The following MAP3K7CL variants were observed in gnomAD, a reference collection of about 807,000 sequenced individuals.
MAP3K7CL encodes MAP3K7 C-terminal-like protein.
Under a neutral mutation model 18.6 loss-of-function variants are expected in MAP3K7CL, and 16 were observed. The observed-to-expected ratio is 0.86, with a 90% confidence interval of 0.58 to 1.31. MAP3K7CL has a LOEUF of 1.31. Ranked by LOEUF, MAP3K7CL falls within the 50% of genes most tolerant of loss-of-function variation. The pLI is 0.00. For missense variants in MAP3K7CL, 163 were observed against 174.4 expected (o/e 0.93, Z 0.37); for synonymous variants, 65 against 66.8 (o/e 0.97, Z 0.13).
At chr21:29,087,589 CTTTTTTTTTTTT>C (rs56775764) in intron 1 of MAP3K7CL, among the ~76,000 whole-genome samples, 2 of 104,306 alleles carry the variant, frequency 1.9e-5, no homozygotes, top group South Asian at 3.1e-4. Context: ...TTTTCTTTTT[CTTTTTTTTTTTT>C]TTTTTTTTTT....
At chr21:29,140,719 G>A (rs1011056578) in intron 2 of MAP3K7CL, among the ~76,000 whole-genome samples, 2 of 152,164 alleles carry the variant, frequency 1.3e-5, no homozygotes, top group African/African-American at 4.8e-5. Flanking sequence ...AAAAGAAGGG[G>A]TAAATTTTAT....
chr21:29,141,948 T>C (rs184172211), intron 2 of MAP3K7CL, among the ~76,000 whole-genome samples: 1 of 152,298 alleles, frequency 6.6e-6, no homozygotes, highest in East Asian at 1.9e-4. Flanking sequence ...TCACATATTT[T>C]ATTCCTAAAA....
chr21:29,108,474 C>T (rs2086362953), intron 4 of MAP3K7CL, among the ~76,000 whole-genome samples: 1 of 152,152 alleles, frequency 6.6e-6, no homozygotes, highest in South Asian at 2.1e-4. Flanking sequence ...AGGTTTTTGA[C>T]ACCTACTGCC....
At chr21:29,126,435 ATTTC>A (rs963862257), upstream of MAP3K7CL, among the ~76,000 whole-genome samples, 7 of 151,916 alleles carry the variant, frequency 4.6e-5, no homozygotes, top group Admixed American at 2.6e-4. Context: ...AGTGTAAAAT[ATTTC>A]TTTCTTTCTG....
At position 29,089,099 on chromosome 21, in the gene MAP3K7CL, G is replaced by A. The variant is rs955715634; in HGVS notation, c.58-2402G>A. Reference sequence around the variant, plus strand: ...GCAGGAGAATCACTTGTACCCAGGAGGGAGAGGTTGCAGTGAGCCGAGATC... The same window carrying A: ...GCAGGAGAATCACTTGTACCCAGGAAGGAGAGGTTGCAGTGAGCCGAGATC... On this transcript the variant is annotated intron_variant, in intron 1 of 6. Transcript: ENST00000286791. Among the ~76,000 whole-genome samples, 5 of 149,462 alleles carry A rather than the reference G, an allele frequency of 3.3e-5. No homozygotes were observed. In the South Asian group the frequency reaches 1.1e-3, roughly 32 times the overall value.
intron 4 of MAP3K7CL, among the ~76,000 whole-genome samples, chr21:29,115,849 A>T (rs78689757): frequency 0.02 from 3,018 of 152,340 alleles, 98 homozygotes; most frequent in African/African-American, 0.068. Context: ...TAATTATTCT[A>T]TTTAAAGCCC....
At position 29,089,168 on chromosome 21, in the gene MAP3K7CL, C is replaced by CAAAA. The variant is rs748166183; in HGVS notation, c.58-2303_58-2300dup. Among the ~76,000 whole-genome samples, 207 of 68,506 alleles carry CAAAA rather than the reference C, an allele frequency of 3.0e-3. 26 individuals are homozygous for CAAAA. Among genetic ancestry groups the CAAAA allele is most frequent in the African/African-American group, 7.6e-3 (144 of 19,052 alleles). 44.9% of individuals were successfully genotyped at this position (68,506 alleles called of 152,430 possible). ...CTGGTGACAGAGCGAGACTCCGTCT[C>CAAAA]AAAAAAAAAAAAAAAAAAAAAAAAA... On this transcript the variant is annotated intron_variant, in intron 1 of 6. Transcript: ENST00000286791.
Position 29,175,139 on chromosome 21 carries a change from T to G in MAP3K7CL, c.*247T>G, listed in dbSNP as rs1327322542. The G allele has an allele frequency of 2.9e-6, 1 of 345,010 alleles. No individual in the cohort carries two copies. Among genetic ancestry groups the G allele is most frequent in the Admixed American group, 4.5e-5 (1 of 22,328 alleles). 21.4% of individuals were successfully genotyped at this position (345,010 alleles called of 1,614,324 possible). ...AGATCAGAATTCTTTTCCAAAGATATATGTTTTTTTCTTTTTTAGGAAGAT... is the reference window on the plus strand; with the variant it reads ...AGATCAGAATTCTTTTCCAAAGATAGATGTTTTTTTCTTTTTTAGGAAGAT... On this transcript the variant is annotated 3_prime_UTR_variant, in exon 5 of 5. Coordinates refer to ENST00000399928, the MANE Select transcript of MAP3K7CL (RefSeq NM_001286620.2).
intron 4 of MAP3K7CL, among the ~76,000 whole-genome samples, chr21:29,167,673 G>C (rs1418343008): frequency 6.7e-6 from 1 of 148,724 alleles, no homozygotes; most frequent in Admixed American, 6.8e-5. Context: ...ACTGTACCAA[G>C]ATCAACCAGA....
rs139518550 is a variant in MAP3K7CL at position 29,169,780 on chromosome 21, T to C, written c.249-4932T>C. Among the ~76,000 whole-genome samples, 223 of 152,386 alleles carry C rather than the reference T, an allele frequency of 1.5e-3. 1 individual carries two copies. Among genetic ancestry groups the C allele is most frequent in the African/African-American group, 5.1e-3 (212 of 41,590 alleles). ...TAATTTCCATAAAGTTTGAAAGTTT[T>C]CTTAACCAATTGACTTGGACTTTCC... On this transcript the variant is annotated intron_variant, in intron 4 of 4. Transcript: ENST00000399928.
intron 4 of MAP3K7CL, among the ~76,000 whole-genome samples, chr21:29,111,710 A>G (rs959048837): frequency 1.9e-4 from 29 of 152,300 alleles, no homozygotes; most frequent in African/African-American, 6.7e-4. Context: ...AGGAGGGTGG[A>G]GTAGAAAGGG....
intron 4 of MAP3K7CL, among the ~76,000 whole-genome samples, chr21:29,164,641 G>A (rs568854942): frequency 6.6e-6 from 1 of 152,198 alleles, no homozygotes; most frequent in Non-Finnish European, 1.5e-5. Flanking sequence ...GAGAAAGAGA[G>A]TCAAACATTT....
At chr21:29,131,025 G>A (rs911566372) in intron 1 of MAP3K7CL, 102 bp downstream of exon 1, 44 of 725,688 alleles carry the variant, frequency 6.1e-5, no homozygotes, top group East Asian at 1.3e-4. Flanking sequence ...CCTGTGGTTC[G>A]TTTCCCCAGA....
rs189515509 is a variant in MAP3K7CL, at chr21:29,171,910, G to A, written c.249-2802G>A. Among the ~76,000 whole-genome samples, 464 of 151,074 alleles carry A rather than the reference G, an allele frequency of 3.1e-3. 4 individuals carry two copies. The highest frequency in any genetic ancestry group is 0.01 in the African/African-American group (427 of 41,136). ...GTGCCTTATTCTTCCTCCCACGACA[G>A]TACTGGGGTTTTCTTTCTCTCATAC... On this transcript the variant is annotated intron_variant, in intron 4 of 4. Coordinates refer to ENST00000399928, the MANE Select transcript of MAP3K7CL (RefSeq NM_001286620.2).
At chr21:29,133,895 A>T (rs1435366873) in intron 2 of MAP3K7CL, among the ~76,000 whole-genome samples, 1 of 152,232 alleles carries the variant, frequency 6.6e-6, no homozygotes, top group Non-Finnish European at 1.5e-5. Context: ...AGGAATGATA[A>T]ATGGGACAGG....
intron 4 of MAP3K7CL, among the ~76,000 whole-genome samples, chr21:29,173,251 G>A (rs985614813): frequency 6.6e-5 from 10 of 152,200 alleles, no homozygotes; most frequent in African/African-American, 2.2e-4. Context: ...TGATCATGAA[G>A]TAAGTTCCAG....
chr21:29,161,554 T>C (rs1461021002), intron 4 of MAP3K7CL, among the ~76,000 whole-genome samples: 3 of 152,142 alleles, frequency 2.0e-5, no homozygotes, highest in African/African-American at 7.2e-5. Flanking sequence ...TTTTCATTAA[T>C]ATAGATATGA....
intron 2 of MAP3K7CL, among the ~76,000 whole-genome samples, chr21:29,136,622 G>A (rs1452258688): frequency 6.6e-6 from 1 of 152,000 alleles, no homozygotes; most frequent in Non-Finnish European, 1.5e-5. Flanking sequence ...CCTCCCTGAG[G>A]TGATTCTTCT....
chr21:29,149,995 GT>G (rs1305213862), intron 3 of MAP3K7CL, among the ~76,000 whole-genome samples: 16 of 152,298 alleles, frequency 1.1e-4, no homozygotes, highest in African/African-American at 3.9e-4. Context: ...TCCAATAGGG[GT>G]CTTGAATCCT....
Sources: gnomAD v4.1 joint callset for allele counts (sites outside exome capture counted in the v4.1 genomes callset) on GRCh38, gnomAD v4.1.1 for gene constraint, MANE v1.5 for transcripts, NCBI Gene and HGNC (gene_info 2026-07-23, HGNC 2026-07-21) for gene names.